ELAVL2: variants seen among roughly 807,000 people sequenced by gnomAD.
ELAVL2 encodes ELAV-like protein 2.
ELAVL2 carries 4 observed loss-of-function variants against 34.6 expected under a neutral mutation model. The observed-to-expected ratio is 0.12, with a 90% confidence interval of 0.06 to 0.26. The LOEUF (loss-of-function observed/expected upper bound fraction) is 0.26, where lower values mean the gene tolerates loss of function less well. ELAVL2 is among the 10% of genes least tolerant of loss of function. The pLI is 1.00. For missense variants in ELAVL2, 432 were observed against 442.8 expected (o/e 0.98, Z 0.22); for synonymous variants, 193 against 154.8 (o/e 1.25, Z -1.83).
upstream of ELAVL2, among the ~76,000 whole-genome samples, chr9:23,829,437 C>T (rs867038888): frequency 1.7e-4 from 26 of 152,032 alleles, no homozygotes; most frequent in African/African-American, 6.0e-4. Flanking sequence ...CTACTTGTAA[C>T]GTTTTGTAAG....
At chr9:23,741,767 C>T (rs569427937) in intron 2 of ELAVL2, among the ~76,000 whole-genome samples, 4 of 134,358 alleles carry the variant, frequency 3.0e-5, no homozygotes, top group Admixed American at 7.6e-5. Flanking sequence ...TTCTGCACGT[C>T]TCCCATACCT....
At chr9:23,714,080 T>C (rs1232970728) in intron 3 of ELAVL2, among the ~76,000 whole-genome samples, 1 of 152,212 alleles carries the variant, frequency 6.6e-6, no homozygotes, top group Non-Finnish European at 1.5e-5. Flanking sequence ...TCATTTTATA[T>C]ACATACATAG....
intron 2 of ELAVL2, among the ~76,000 whole-genome samples, chr9:23,748,882 T>TATCA (rs1189573403): frequency 6.6e-6 from 1 of 152,158 alleles, no homozygotes; most frequent in African/African-American, 2.4e-5. Context: ...TACTTTGGTA[T>TATCA]ATCAAATGTT....
At chr9:23,779,463 T>C in intron 1 of ELAVL2, 5 of 955,226 alleles carry the variant, frequency 5.2e-6, no homozygotes, top group Non-Finnish European at 6.2e-6. Flanking sequence ...AGAGAGTGGG[T>C]GGGCGGGCTT....
At chr9:23,763,692 CAGG>C (rs143267163) in intron 1 of ELAVL2, among the ~76,000 whole-genome samples, 118 of 152,152 alleles carry the variant, frequency 7.8e-4, no homozygotes, top group African/African-American at 2.7e-3. Context: ...TCTCTACTGC[CAGG>C]AGATGTTTAC....
chr9:23,694,736 T>A (rs772978554), intron 5 of ELAVL2, among the ~76,000 whole-genome samples: 47 of 152,280 alleles, frequency 3.1e-4, no homozygotes, highest in Admixed American at 1.5e-3. Flanking sequence ...GCCTCCCACA[T>A]CCCTGCCCTC....
At chr9:23,730,880 G>C (rs1228604885) in intron 3 of ELAVL2, 142 bp downstream of exon 3, 1 of 712,578 alleles carries the variant, frequency 1.4e-6, no homozygotes, top group Non-Finnish European at 2.2e-6. Flanking sequence ...CTTCCATCTT[G>C]CAACAAACAC....
In ELAVL2 at chr9:23,772,146, C is replaced by G. The variant is rs2057405410; in HGVS notation, c.-15-9897G>C. 3.9e-5 allele frequency among the ~76,000 whole-genome samples: 6 copies of G among 152,254 alleles called. No homozygotes were observed. In the South Asian group the frequency reaches 1.2e-3, roughly 32 times the overall value. ...ATCAACACAGAAATTGGATTAACTTCACATTCTTCTACAAAAGTCACAGCT... is the reference window on the plus strand; with the variant it reads ...ATCAACACAGAAATTGGATTAACTTGACATTCTTCTACAAAAGTCACAGCT... On this transcript the variant is annotated intron_variant, in intron 1 of 6. Coordinates refer to ENST00000397312, the MANE Select transcript of ELAVL2 (RefSeq NM_004432.5).
At chr9:23,848,268 T>C in the ELAVL2 span, among the ~76,000 whole-genome samples, 9 of 152,190 alleles carry the variant, frequency 5.9e-5, no homozygotes, top group Non-Finnish European at 1.2e-4. Context: ...CTGTGGTCTA[T>C]GGATATTAGT....
chr9:23,764,118 C>G (rs1018436780), intron 1 of ELAVL2, among the ~76,000 whole-genome samples: 3 of 152,088 alleles, frequency 2.0e-5, no homozygotes, highest in Admixed American at 1.3e-4. Flanking sequence ...AAAAATTCTT[C>G]TGGGGTTAAC....
At chr9:23,786,353 C>T (rs1224056667) in intron 1 of ELAVL2, among the ~76,000 whole-genome samples, 2 of 152,090 alleles carry the variant, frequency 1.3e-5, no homozygotes, top group Admixed American at 6.5e-5. Flanking sequence ...GGCAAGGAAC[C>T]AGTAAATGCT....
At chr9:23,698,101 T>TA (rs2035892797) in intron 5 of ELAVL2, among the ~76,000 whole-genome samples, 3 of 152,276 alleles carry the variant, frequency 2.0e-5, no homozygotes, top group East Asian at 3.9e-4. Flanking sequence ...AAAGGCTTTT[T>TA]AAAAAATGCA....
chr9:23,840,699 G>A, the ELAVL2 span, among the ~76,000 whole-genome samples: 1 of 152,276 alleles, frequency 6.6e-6, no homozygotes, highest in South Asian at 2.1e-4. Flanking sequence ...CAACATGTGA[G>A]ATAACCCCGG....
At chr9:23,716,611 G>A (rs1302443766) in intron 3 of ELAVL2, among the ~76,000 whole-genome samples, 1 of 152,170 alleles carries the variant, frequency 6.6e-6, no homozygotes, top group East Asian at 1.9e-4. Flanking sequence ...TCCTCATGCA[G>A]AGGTTATAAA....
chr9:23,839,340 C>G, the ELAVL2 span, among the ~76,000 whole-genome samples: 2 of 152,050 alleles, frequency 1.3e-5, no homozygotes, highest in Non-Finnish European at 2.9e-5. Context: ...TGCCCTCACT[C>G]ATGCACTCAT....
intron 2 of ELAVL2, among the ~76,000 whole-genome samples, chr9:23,758,337 C>G (rs1211082912): frequency 6.6e-6 from 1 of 152,020 alleles, no homozygotes; most frequent in East Asian, 1.9e-4. Context: ...GATTTAGATA[C>G]TACCATTTTC....
chr9:23,818,343 C>G (rs2064019949), intron 1 of ELAVL2, among the ~76,000 whole-genome samples: 1 of 152,138 alleles, frequency 6.6e-6, no homozygotes, highest in Non-Finnish European at 1.5e-5. Context: ...GGTCCCAGTG[C>G]AAGATGAAAA....
intron 1 of ELAVL2, among the ~76,000 whole-genome samples, chr9:23,807,044 T>TTTTTCCATGTTAAATCAATGGA (rs1323965315): frequency 3.3e-5 from 5 of 152,142 alleles, no homozygotes; most frequent in Admixed American, 1.3e-4. Context: ...AAAAATGCTA[T>TTTTTCCATGTTAAATCAATGGA]ATCCATGTTA....
chr9:23,717,918 G>C (rs2042723313), intron 3 of ELAVL2, among the ~76,000 whole-genome samples: 1 of 152,038 alleles, frequency 6.6e-6, no homozygotes, highest in African/African-American at 2.4e-5. Flanking sequence ...AAGATTACAT[G>C]GTCTCAGTAA....
Sources: gnomAD v4.1 joint callset for allele counts (sites outside exome capture counted in the v4.1 genomes callset) on GRCh38, gnomAD v4.1.1 for gene constraint, MANE v1.5 for transcripts, NCBI Gene and HGNC (gene_info 2026-07-23, HGNC 2026-07-21) for gene names.